FAM234A: variants seen among roughly 807,000 people sequenced by gnomAD.
FAM234A encodes family with sequence similarity 234 member A.
Under a neutral mutation model 49.1 loss-of-function variants are expected in FAM234A, and 42 were observed. The observed-to-expected ratio is 0.86, with a 90% CI of 0.67 to 1.11. FAM234A has a LOEUF of 1.11. Among genes scored for constraint, FAM234A ranks in the 50% least tolerant of loss-of-function variants. The probability of loss-of-function intolerance (pLI) is 0.00; values close to 1 mark genes in which losing one functional copy is unlikely to be tolerated. For missense variants in FAM234A, 815 were observed against 745.2 expected (o/e 1.09, Z -1.09); for synonymous variants, 369 against 316.2 (o/e 1.17, Z -1.77).
At chr16:252,255 C>CACT (rs1247479988) in intron 2 of FAM234A, among the ~76,000 whole-genome samples, 1 of 147,974 alleles carries the variant, frequency 6.8e-6, no homozygotes, top group Non-Finnish European at 1.5e-5. Flanking sequence ...GATCTTGGCT[C>CACT]ACTACAACCT....
rs9924561 is a variant in FAM234A at position 264,781 on chromosome 16, G to T, written c.1448-30G>T. 8,298 of 1,606,278 alleles carry T rather than the reference G, an allele frequency of 5.2e-3. 400 individuals are homozygous for T. In the African/African-American group the frequency reaches 0.1, roughly 19 times the overall value. Reference sequence around the variant, plus strand: ...GGTCTGCCCTGGCTGGTCCTGAGCCGCCCTGACAGCTGTGTCCCCCACCCT... The same window carrying T: ...GGTCTGCCCTGGCTGGTCCTGAGCCTCCCTGACAGCTGTGTCCCCCACCCT... On this transcript the variant is annotated intron_variant, in intron 12 of 12. Transcript: ENST00000399932.
At chr16:237,218 T>C (rs2142181293) in intron 1 of FAM234A, among the ~76,000 whole-genome samples, 1 of 152,272 alleles carries the variant, frequency 6.6e-6, no homozygotes, top group South Asian at 2.1e-4. Context: ...TCTTTTTCTT[T>C]TCAGGCTCCT....
chr16:260,272 G>T, intron 5 of FAM234A, 112 bp downstream of exon 5: 1 of 1,014,394 alleles, frequency 9.9e-7, no homozygotes, highest in Non-Finnish European at 1.5e-6. Flanking sequence ...GATCTTGAGG[G>T]TGGCTGGATG....
At position 261,484 on chromosome 16, in the gene FAM234A, C is replaced by A. The variant is rs1567224009; in HGVS notation, c.678C>A (p.Asp226Glu). 2 of 1,611,458 alleles carry A rather than the reference C, an allele frequency of 1.2e-6. No homozygotes were observed. The change falls in exon 6 of 13, where the codon GAC (aspartate) becomes GAA (glutamate). Residue 226 changes from aspartate to glutamate, a missense_variant. Coordinates refer to ENST00000399932, the MANE Select transcript of FAM234A (RefSeq NM_032039.4). ...VPDVDGDGAP[D>E]LLVLTQEREE... The stretch of plus-strand genomic sequence containing the variant: ...ATGTGGACGGCGATGGGGCCCCAGA[C>A]CTGCTGGTTCTCACCCAGGAGCGGG...
intron 1 of FAM234A, among the ~76,000 whole-genome samples, chr16:246,156 A>G (rs1204704500): frequency 2.6e-5 from 4 of 151,660 alleles, no homozygotes; most frequent in Non-Finnish European, 5.9e-5. Context: ...CAGAGGTTGC[A>G]GTGAGCCAAG....
chr16:253,995 C>T (rs781584271), intron 2 of FAM234A: 2 of 213,862 alleles, frequency 9.4e-6, no homozygotes, highest in Non-Finnish European at 1.9e-5. Flanking sequence ...GTCACCTTTT[C>T]CATCTGTGCT....
Position 260,086 on chromosome 16 carries a change from G to T in FAM234A, c.503G>T (p.Arg168Ile). 2 of 1,613,844 alleles carry T rather than the reference G, an allele frequency of 1.2e-6. No individual in the cohort carries two copies. Among genetic ancestry groups the T allele is most frequent in the Non-Finnish European group, 1.7e-6 (2 of 1,180,010 alleles). The part of the protein sequence containing the change: ...ALVECAVPQP[R>I]GSEAPSACIL... ...GTGGAGTGTGCTGTGCCCCAGCCAAGAGGCAGTGAGGCACCTTCTGCCTGC... is the reference window on the plus strand; with the variant it reads ...GTGGAGTGTGCTGTGCCCCAGCCAATAGGCAGTGAGGCACCTTCTGCCTGC... Residue 168 changes from arginine to isoleucine, a missense_variant, in exon 5 of 13, where the codon AGA becomes ATA. By Grantham distance (97) the Arg-to-Ile change is moderately conservative. Transcript: ENST00000399932.
chr16:261,484 CCTG>C lies in FAM234A; in HGVS notation c.682_684del (p.Leu228del), dbSNP rs748307992. The C allele has an allele frequency of 3.1e-6, 5 of 1,611,458 alleles. No homozygotes were observed. The Admixed American group carries it at 8.4e-5, about 27-fold the overall frequency. On this transcript the variant is annotated inframe_deletion, in exon 6 of 13. Coordinates refer to ENST00000399932, the MANE Select transcript of FAM234A (RefSeq NM_032039.4). ...ATGTGGACGGCGATGGGGCCCCAGA[CCTG>C]CTGGTTCTCACCCAGGAGCGGGAGG...
chr16:242,770 G>A lies in FAM234A; in HGVS notation c.-139-6779G>A, dbSNP rs57877207. Among the ~76,000 whole-genome samples, 1,172 of 151,246 alleles carry A rather than the reference G, an allele frequency of 7.7e-3. 20 individuals carry two copies. The highest frequency in any genetic ancestry group is 0.026 in the African/African-American group (1,081 of 41,158). Reference sequence around the variant, plus strand: ...TGGGATTACTGATGCACATCACCACGCCTGGTTAATTTTTTGTATTTTTAG... The same window carrying A: ...TGGGATTACTGATGCACATCACCACACCTGGTTAATTTTTTGTATTTTTAG... On this transcript the variant is annotated intron_variant, in intron 1 of 12. Coordinates refer to ENST00000399932, the MANE Select transcript of FAM234A (RefSeq NM_032039.4).
At position 265,424 on chromosome 16, in the gene FAM234A, C is replaced by G; in HGVS notation, c.*402C>G. ...CAGAGCGGCCATCGCGTAGAAAGAA[C>G]CAGGGTGTCCCCGGGACAGGCCGTC... On this transcript the variant is annotated 3_prime_UTR_variant, in exon 13 of 13. Transcript: ENST00000399932. 1 of 1,009,760 alleles carries G rather than the reference C, an allele frequency of 9.9e-7. No homozygotes were observed. Among genetic ancestry groups the G allele is most frequent in the South Asian group, 4.4e-5 (1 of 22,576 alleles). The allele number at this position is 1,009,760 out of a possible 1,614,324, so 62.6% of individuals were successfully genotyped here.
chr16:267,804 C>T (rs376485937), downstream of FAM234A, among the ~76,000 whole-genome samples: 11 of 148,522 alleles, frequency 7.4e-5, no homozygotes, highest in East Asian at 2.0e-3. Context: ...GTACACCACA[C>T]GTGCACTACA....
downstream of FAM234A, chr16:269,466 C>G (rs776155848): frequency 6.2e-7 from 1 of 1,606,436 alleles, no homozygotes; most frequent in African/African-American, 1.3e-5. Context: ...AGCCCCCAGG[C>G]CACAGCCGCC....
In FAM234A at chr16:264,797, C is replaced by A. The variant is rs1326929370; in HGVS notation, c.1448-14C>A. 2 of 1,607,354 alleles carry A rather than the reference C, an allele frequency of 1.2e-6. No homozygotes were observed. The highest frequency in any genetic ancestry group is 1.7e-6 in the Non-Finnish European group (2 of 1,178,582). ...TCCTGAGCCGCCCTGACAGCTGTGT[C>A]CCCCACCCTGCAGCCGTCCTGTTTG... On this transcript the variant is annotated splice_polypyrimidine_tract_variant and intron_variant, in intron 12 of 12. Coordinates refer to ENST00000399932, the MANE Select transcript of FAM234A (RefSeq NM_032039.4).
rs758541000 is a variant in FAM234A, at chr16:254,591, C to CT, written c.183dup (p.Val62CysfsTer32). 1 of 1,614,042 alleles carries CT rather than the reference C, an allele frequency of 6.2e-7. No individual in the cohort carries two copies. Among genetic ancestry groups the CT allele is most frequent in the South Asian group, 1.1e-5 (1 of 91,086 alleles). On this transcript the variant is annotated frameshift_variant, in exon 3 of 13. Coordinates refer to ENST00000399932, the MANE Select transcript of FAM234A (RefSeq NM_032039.4). LOFTEE classifies it high-confidence loss of function. ...GTTTTTTCTTTCATTGTTTCTCTGCCTTTTTGTGGTGTTCGTCGTCTCATT... is the reference window on the plus strand; with the variant it reads ...GTTTTTTCTTTCATTGTTTCTCTGCCTTTTTTGTGGTGTTCGTCGTCTCATT...
chr16:263,750 A>C lies in FAM234A; in HGVS notation c.1163A>C (p.Glu388Ala). 2 of 1,614,004 alleles carry C rather than the reference A, an allele frequency of 1.2e-6. No individual in the cohort carries two copies. Among genetic ancestry groups the C allele is most frequent in the Non-Finnish European group, 1.7e-6 (2 of 1,179,874 alleles). ...YKPDTLAVAV[E>A]NGTGTDRQIL... ...CCAGACACCTTGGCTGTAGCCGTTG[A>C]AAACGGAACTGGCACCGACAGACAG... Residue 388 changes from glutamate (E) to alanine (A), a missense_variant, in exon 10 of 13, where the codon GAA becomes GCA. Glu to Ala is a moderately radical substitution (Grantham distance 107). Transcript: ENST00000399932.
rs2050340439 is a variant in FAM234A, at chr16:234,866, G to C, written c.-140+9G>C. On this transcript the variant is annotated intron_variant, in intron 1 of 12. Coordinates refer to ENST00000399932, the MANE Select transcript of FAM234A (RefSeq NM_032039.4). ...AGAGGCCGCGGCGGCAGGTGAGTGA[G>C]CGCGGCCTCGTACTCGCGCGTGCAC... 6.6e-6 allele frequency: 1 copy of C among 152,346 alleles called. No individual in the cohort carries two copies. Among genetic ancestry groups the C allele is most frequent in the East Asian group, 1.9e-4 (1 of 5,186 alleles). 9.4% of individuals were successfully genotyped at this position (152,346 alleles called of 1,614,324 possible). A position where few individuals can be genotyped will look rare whatever the true frequency, so the allele number is the denominator to read the frequency against.
intron 1 of FAM234A, among the ~76,000 whole-genome samples, chr16:244,984 G>A (rs1433110652): frequency 6.6e-6 from 1 of 151,848 alleles, no homozygotes; most frequent in Admixed American, 6.6e-5. Context: ...GAGCCATCGC[G>A]CTCGACCAAT....
chr16:236,644 C>A lies in FAM234A; in HGVS notation c.-140+1787C>A, dbSNP rs562486929. Among the ~76,000 whole-genome samples, 13 of 141,764 alleles carry A rather than the reference C, an allele frequency of 9.2e-5. No homozygotes were observed. In the East Asian group the frequency reaches 2.7e-3, roughly 30 times the overall value. 93.0% of individuals were successfully genotyped at this position (141,764 alleles called of 152,430 possible). On this transcript the variant is annotated intron_variant, in intron 1 of 12. Transcript: ENST00000399932. The stretch of plus-strand genomic sequence containing the variant: ...TAAATAGGCCGGGCGCGGTGGCTCA[C>A]GCCTGTAATCCCAGCACTTTGGGAG...
intron 2 of FAM234A, among the ~76,000 whole-genome samples, chr16:253,060 A>C (rs1274009054): frequency 6.6e-6 from 1 of 152,214 alleles, no homozygotes; most frequent in East Asian, 1.9e-4. Flanking sequence ...ACAAAATGGA[A>C]GTTTGTTTTT....
Sources: gnomAD v4.1 joint callset for allele counts (sites outside exome capture counted in the v4.1 genomes callset) on GRCh38, gnomAD v4.1.1 for gene constraint, MANE v1.5 for transcripts, NCBI Gene and HGNC (gene_info 2026-07-23, HGNC 2026-07-21) for gene names.